The following MSRA variants were observed in gnomAD, a reference collection of about 807,000 sequenced individuals.
MSRA encodes mitochondrial peptide methionine sulfoxide reductase.
Under a neutral mutation model 31.3 loss-of-function variants are expected in MSRA, and 54 were observed. That is an observed-to-expected ratio of 1.73 (90% CI 1.39 to 2.17). MSRA has a LOEUF of 2.17. Among genes scored for constraint, MSRA ranks in the 30% most tolerant of loss-of-function variants. MSRA has a pLI of 0.00. For synonymous variants in MSRA, 169 were observed against 116.5 expected (o/e 1.45, Z -2.90); for missense variants, 507 against 300.9 (o/e 1.69, Z -5.07).
At chr8:10,139,992 G>A (rs556424826) in intron 1 of MSRA, among the ~76,000 whole-genome samples, 1 of 152,274 alleles carries the variant, frequency 6.6e-6, no homozygotes, top group African/African-American at 2.4e-5. Flanking sequence ...AGATGAACAG[G>A]AAAAAAGTAT....
intron 1 of MSRA, among the ~76,000 whole-genome samples, chr8:10,137,133 G>C (rs984618605): frequency 6.6e-6 from 1 of 152,304 alleles, no homozygotes; most frequent in South Asian, 2.1e-4. Flanking sequence ...AACAAAGCTC[G>C]TCTGCTTTGC....
intron 1 of MSRA, among the ~76,000 whole-genome samples, chr8:10,089,108 TTAAATAAG>T (rs1798730609): frequency 6.7e-6 from 1 of 150,144 alleles, no homozygotes; most frequent in Admixed American, 6.7e-5. Context: ...GGGATTTTTG[TTAAATAAG>T]TAAATTTTAG....
intron 5 of MSRA, among the ~76,000 whole-genome samples, chr8:10,388,612 G>A (rs1806540758): frequency 6.6e-6 from 1 of 152,140 alleles, no homozygotes; most frequent in East Asian, 1.9e-4. Context: ...AGGAGGCCAA[G>A]AAACCTGCTC....
intron 1 of MSRA, among the ~76,000 whole-genome samples, chr8:10,061,144 C>G (rs1196485334): frequency 6.6e-6 from 1 of 152,138 alleles, no homozygotes; most frequent in Non-Finnish European, 1.5e-5. Flanking sequence ...TGATCCTTAC[C>G]TGCTTTCCCA....
intron 3 of MSRA, among the ~76,000 whole-genome samples, chr8:10,279,874 A>G (rs1489383889): frequency 1.3e-5 from 2 of 152,196 alleles, no homozygotes; most frequent in African/African-American, 4.8e-5. Context: ...AGCTATTTCA[A>G]ATATCTATGA....
chr8:10,173,056 C>T (rs1010133210), intron 1 of MSRA, among the ~76,000 whole-genome samples: 7 of 152,286 alleles, frequency 4.6e-5, no homozygotes, highest in South Asian at 2.1e-4. Flanking sequence ...GTATAAAGAC[C>T]ATTTAAAATA....
rs373055901 is a variant in MSRA at position 10,070,670 on chromosome 8, A to G, written c.142+16012A>G. Among the ~76,000 whole-genome samples, 8 of 152,272 alleles carry G rather than the reference A, an allele frequency of 5.3e-5. No homozygotes were observed. In the East Asian group the frequency reaches 1.4e-3, roughly 26 times the overall value. Reference sequence around the variant, plus strand: ...TGACCTTCTTCCTCACCCCCTGCCCATGTGCAACCTCTGGCGACCACTCCT... The same window carrying G: ...TGACCTTCTTCCTCACCCCCTGCCCGTGTGCAACCTCTGGCGACCACTCCT... On this transcript the variant is annotated intron_variant, in intron 1 of 5. Transcript: ENST00000317173.
At chr8:10,231,055 G>A (rs1235878010) in intron 2 of MSRA, among the ~76,000 whole-genome samples, 1 of 152,138 alleles carries the variant, frequency 6.6e-6, no homozygotes, top group African/African-American at 2.4e-5. Flanking sequence ...CAAAGTGCTG[G>A]GATTACAGGC....
chr8:10,337,194 T>G (rs1803103438), intron 5 of MSRA: 1 of 153,024 alleles, frequency 6.5e-6, no homozygotes. Flanking sequence ...TTTTTTTTTT[T>G]TCTGAGACGG....
intron 1 of MSRA, among the ~76,000 whole-genome samples, chr8:10,142,218 A>G (rs1340487743): frequency 1.3e-5 from 2 of 151,916 alleles, no homozygotes; most frequent in African/African-American, 4.9e-5. Flanking sequence ...TTGACCTCCC[A>G]AACTCCTGGG....
At chr8:10,092,323 C>G (rs1303676038) in intron 1 of MSRA, among the ~76,000 whole-genome samples, 1 of 151,950 alleles carries the variant, frequency 6.6e-6, no homozygotes, top group Non-Finnish European at 1.5e-5. Flanking sequence ...ATTTTATAGC[C>G]TAACATATTG....
intron 5 of MSRA, among the ~76,000 whole-genome samples, chr8:10,339,207 A>G (rs1803251615): frequency 6.6e-6 from 1 of 152,176 alleles, no homozygotes; most frequent in Non-Finnish European, 1.5e-5. Flanking sequence ...GACACCCACG[A>G]AGCGATGATG....
In MSRA at chr8:10,309,378, G is replaced by A. The variant is rs1417777050; in HGVS notation, c.436+7740G>A. ...ATAAGCGCTGGCTCTAATAGCTGTCGTGCTCATGCCGCCTGTGGAAGGGCC... is the reference window on the plus strand; with the variant it reads ...ATAAGCGCTGGCTCTAATAGCTGTCATGCTCATGCCGCCTGTGGAAGGGCC... On this transcript the variant is annotated intron_variant, in intron 4 of 5. Transcript: ENST00000317173. 3.9e-5 allele frequency among the ~76,000 whole-genome samples: 6 copies of A among 152,330 alleles called. No homozygotes were observed. In the East Asian group the frequency reaches 7.7e-4, roughly 20 times the overall value.
chr8:10,199,896 A>C (rs558437482), intron 1 of MSRA, among the ~76,000 whole-genome samples: 1 of 152,230 alleles, frequency 6.6e-6, no homozygotes, highest in East Asian at 1.9e-4. Context: ...GCACTTATCA[A>C]TGTGGAGAAC....
intron 1 of MSRA, among the ~76,000 whole-genome samples, chr8:10,117,901 A>G (rs1029999799): frequency 2.8e-4 from 42 of 152,206 alleles, no homozygotes; most frequent in African/African-American, 7.2e-5. Flanking sequence ...TCCTTGCCCA[A>G]ATCAACACAA....
chr8:10,344,900 A>G (rs563757642), intron 5 of MSRA, among the ~76,000 whole-genome samples: 1 of 152,170 alleles, frequency 6.6e-6, no homozygotes, highest in Admixed American at 6.5e-5. Context: ...GTGGTTTAAG[A>G]CAAAAATAAT....
chr8:10,175,676 G>A (rs899842866), intron 1 of MSRA, among the ~76,000 whole-genome samples: 8 of 152,154 alleles, frequency 5.3e-5, no homozygotes, highest in Non-Finnish European at 1.2e-4. Context: ...ATGAATACCT[G>A]ACTTATTTAA....
intron 1 of MSRA, among the ~76,000 whole-genome samples, chr8:10,182,475 T>A (rs1806630611): frequency 6.6e-6 from 1 of 152,166 alleles, no homozygotes; most frequent in Admixed American, 6.5e-5. Flanking sequence ...TTAGATAAGG[T>A]GGAGAGCTCA....
chr8:10,122,203 T>A (rs1003438237), intron 1 of MSRA, among the ~76,000 whole-genome samples: 3 of 152,154 alleles, frequency 2.0e-5, no homozygotes, highest in African/African-American at 7.2e-5. Context: ...GATGTACATG[T>A]CTAGCATGTG....
Sources: allele counts gnomAD v4.1 joint callset (sites outside exome capture counted in the v4.1 genomes callset), GRCh38; gene constraint gnomAD v4.1.1; transcripts MANE v1.5; gene names NCBI Gene and HGNC (gene_info 2026-07-23, HGNC 2026-07-21).